The following EEFSEC variants were observed in gnomAD, a reference collection of about 807,000 sequenced individuals.
EEFSEC encodes the protein eukaryotic elongation factor, selenocysteine-tRNA specific, also known as selenocysteine-specific elongation factor.
In EEFSEC, 43 loss-of-function variants were observed where a neutral mutation model predicts 42.1. The ratio of observed to expected loss-of-function variants is 1.02; its 90% CI spans 0.80 to 1.32. EEFSEC has a LOEUF of 1.32. EEFSEC is among the 40% of genes most tolerant of loss of function. The pLI is 0.00. For missense variants in EEFSEC, 745 were observed against 803.6 expected, an observed-to-expected ratio of 0.93 and a Z score of 0.88; for synonymous variants, 354 against 339.1, an observed-to-expected ratio of 1.04 and a Z score of -0.48.
At chr3:128,188,112 G>T (rs753903215) in intron 1 of EEFSEC, among the ~76,000 whole-genome samples, 3 of 152,112 alleles carry the variant, frequency 2.0e-5, no homozygotes, top group African/African-American at 4.8e-5. Flanking sequence ...GGGGAGAGAG[G>T]CCAGGAGACC....
At chr3:128,400,914 C>A (rs2068041267) in intron 6 of EEFSEC, among the ~76,000 whole-genome samples, 1 of 152,220 alleles carries the variant, frequency 6.6e-6, no homozygotes, top group Admixed American at 6.5e-5. Flanking sequence ...GCCAGCCTGG[C>A]CCTGGGAGAG....
intron 1 of EEFSEC, among the ~76,000 whole-genome samples, chr3:128,206,384 C>T (rs184151689): frequency 1.3e-3 from 205 of 152,270 alleles, no homozygotes; most frequent in Non-Finnish European, 2.3e-3. Flanking sequence ...TTTTATCAGG[C>T]GCGTTTTGAA....
chr3:128,413,447 A>G (rs2068188225), downstream of EEFSEC, among the ~76,000 whole-genome samples: 1 of 152,068 alleles, frequency 6.6e-6, no homozygotes, highest in African/African-American at 2.4e-5. Flanking sequence ...TGGACCCTAG[A>G]TCACTACCTC....
intron 6 of EEFSEC, among the ~76,000 whole-genome samples, chr3:128,404,366 G>A (rs2068084789): frequency 6.6e-6 from 1 of 152,228 alleles, no homozygotes; most frequent in Admixed American, 6.5e-5. Context: ...TTCCGGCTCT[G>A]CCTGCTCCGG....
chr3:128,161,666 G>A (rs893402186), intron 1 of EEFSEC, among the ~76,000 whole-genome samples: 2 of 152,222 alleles, frequency 1.3e-5, no homozygotes, highest in African/African-American at 4.8e-5. Context: ...TAAAACTTAA[G>A]CGACTTTGCC....
At chr3:128,286,870 C>T (rs1318897865) in intron 4 of EEFSEC, among the ~76,000 whole-genome samples, 1 of 152,246 alleles carries the variant, frequency 6.6e-6, no homozygotes, top group African/African-American at 2.4e-5. Context: ...TCTGCATTTA[C>T]ATCAAGCTGA....
chr3:128,186,703 C>G (rs1364927202), intron 1 of EEFSEC, among the ~76,000 whole-genome samples: 1 of 152,166 alleles, frequency 6.6e-6, no homozygotes, highest in South Asian at 2.1e-4. Context: ...TGTTGGCACT[C>G]TTAACAAAAA....
At chr3:128,401,911 C>T (rs953507952) in intron 6 of EEFSEC, among the ~76,000 whole-genome samples, 1 of 152,200 alleles carries the variant, frequency 6.6e-6, no homozygotes, top group African/African-American at 2.4e-5. Flanking sequence ...CCTCTTGTCC[C>T]TGTCCTTCCT....
At chr3:128,409,823 C>T (rs1467355629), downstream of EEFSEC, among the ~76,000 whole-genome samples, 2 of 152,118 alleles carry the variant, frequency 1.3e-5, no homozygotes, top group South Asian at 2.1e-4. Context: ...TGCTGTGCCC[C>T]GACCCCACTG....
At chr3:128,404,732 A>G (rs2068089612) in intron 6 of EEFSEC, among the ~76,000 whole-genome samples, 2 of 152,170 alleles carry the variant, frequency 1.3e-5, no homozygotes, top group South Asian at 4.1e-4. Context: ...CAGAGCAGAC[A>G]CCGCTCAGGC....
intron 4 of EEFSEC, among the ~76,000 whole-genome samples, chr3:128,324,952 G>A (rs1036947395): frequency 2.0e-5 from 3 of 152,198 alleles, no homozygotes; most frequent in East Asian, 1.9e-4. Context: ...CTGCCTCTCC[G>A]TCCCAGACAG....
chr3:128,233,723 T>A (rs2065981341), intron 1 of EEFSEC, among the ~76,000 whole-genome samples: 1 of 152,226 alleles, frequency 6.6e-6, no homozygotes, highest in Non-Finnish European at 1.5e-5. Flanking sequence ...TGCAGGCTCT[T>A]AGACTCTGGC....
chr3:128,305,795 T>G (rs566194288), intron 4 of EEFSEC, among the ~76,000 whole-genome samples: 3 of 152,352 alleles, frequency 2.0e-5, no homozygotes, highest in African/African-American at 7.2e-5. Flanking sequence ...AATTTGTGCT[T>G]TTATCTTTGC....
At chr3:128,387,288 T>C (rs2067852054) in intron 6 of EEFSEC, among the ~76,000 whole-genome samples, 2 of 152,320 alleles carry the variant, frequency 1.3e-5, no homozygotes, top group East Asian at 1.9e-4. Flanking sequence ...GCCCAGCATA[T>C]GCTTGAGTTT....
At chr3:128,220,261 T>C (rs760309566) in intron 1 of EEFSEC, among the ~76,000 whole-genome samples, 4 of 152,208 alleles carry the variant, frequency 2.6e-5, no homozygotes, top group Non-Finnish European at 5.9e-5. Context: ...GGAAATATCT[T>C]TGGAGTTAAA....
At chr3:128,419,708 G>A in the EEFSEC span, among the ~76,000 whole-genome samples, 10 of 152,148 alleles carry the variant, frequency 6.6e-5, no homozygotes, top group South Asian at 4.1e-4. Context: ...GAGCCACACC[G>A]GCACCTCCTT....
At chr3:128,353,022 C>T (rs1255989134) in intron 5 of EEFSEC, among the ~76,000 whole-genome samples, 1 of 152,204 alleles carries the variant, frequency 6.6e-6, no homozygotes, top group Non-Finnish European at 1.5e-5. Context: ...AGTAAATCCT[C>T]ACTTAACATT....
intron 6 of EEFSEC, among the ~76,000 whole-genome samples, chr3:128,406,236 C>A (rs2068108562): frequency 1.3e-5 from 2 of 152,330 alleles, no homozygotes; most frequent in East Asian, 1.9e-4. Flanking sequence ...CCAGGAGATT[C>A]CTCATGAATA....
rs551609469 is a variant in EEFSEC, at chr3:128,317,871, A to G, written c.787-23362A>G. Among the ~76,000 whole-genome samples the G allele has an allele frequency of 1.1e-4, 17 of 152,340 alleles. No homozygotes were observed. Among genetic ancestry groups the G allele is most frequent in the African/African-American group, 4.1e-4 (17 of 41,578 alleles). ...CCCCTCCTCTCTGAGGTTTCCTCCC[A>G]GTTCCCTGCCAGGTGGTAACCATGG... On this transcript the variant is annotated intron_variant, in intron 4 of 6. Coordinates refer to ENST00000254730, the MANE Select transcript of EEFSEC (RefSeq NM_021937.5). This position sits in a 1 kb window ranked among gnomAD's most constrained non-coding sequence, Gnocchi z 4.1.
Sources: gnomAD v4.1 joint callset for allele counts (sites outside exome capture counted in the v4.1 genomes callset) on GRCh38, gnomAD v4.1.1 for gene constraint, Gnocchi (gnomAD v3.1) non-coding constraint, MANE v1.5 for transcripts, NCBI Gene and HGNC (gene_info 2026-07-23, HGNC 2026-07-21) for gene names.